PTPRT: variants seen among roughly 807,000 people sequenced by gnomAD.
PTPRT encodes protein tyrosine phosphatase receptor type T, also known as receptor-type tyrosine-protein phosphatase T.
In PTPRT, 56 loss-of-function variants were observed where a neutral mutation model predicts 176.8. The observed-to-expected ratio is 0.32, with a 90% CI of 0.26 to 0.40. The LOEUF is 0.40. PTPRT is among the 10% of genes least tolerant of loss of function. The pLI is 1.00. For synonymous variants in PTPRT, 783 were observed against 739.0 expected (o/e 1.06, Z -0.96); for missense variants, 1,540 against 1,908.2 (o/e 0.81, Z 3.60).
rs742066 is a variant in PTPRT at position 43,188,754 on chromosome 20, G to A, written c.88+892C>T. On this transcript the variant is annotated intron_variant, in intron 1 of 30. Coordinates refer to ENST00000373187, the MANE Select transcript of PTPRT (RefSeq NM_007050.6). Reference sequence around the variant, plus strand: ...CTTCCCTCCGCCGCTACTCTTGGGGGGGGGGGGGCTCGGGGGTGGAAGCTG... The same window carrying A: ...CTTCCCTCCGCCGCTACTCTTGGGGAGGGGGGGGCTCGGGGGTGGAAGCTG... Among the ~76,000 whole-genome samples, 17 of 150,288 alleles carry A rather than the reference G, an allele frequency of 1.1e-4. 2 individuals carry two copies. Among genetic ancestry groups the A allele is most frequent in the African/African-American group, 4.2e-4 (17 of 40,880 alleles).
intron 6 of PTPRT, among the ~76,000 whole-genome samples, chr20:42,732,424 A>G (rs1287607984): frequency 6.6e-6 from 1 of 152,238 alleles, no homozygotes; most frequent in East Asian, 1.9e-4. Flanking sequence ...GAGTAAATGA[A>G]TTAACAAGTG....
chr20:42,780,629 T>G (rs898559103), intron 3 of PTPRT, among the ~76,000 whole-genome samples: 1 of 152,186 alleles, frequency 6.6e-6, no homozygotes, highest in African/African-American at 2.4e-5. Context: ...AAGCCACAAC[T>G]TGACCATTCT....
intron 7 of PTPRT, among the ~76,000 whole-genome samples, chr20:42,485,474 C>A (rs2145349789): frequency 6.6e-6 from 1 of 152,316 alleles, no homozygotes; most frequent in Non-Finnish European, 1.5e-5. Context: ...CTCAGCGTAG[C>A]TAATTTGCCA....
chr20:43,135,243 G>C (rs2013790335), intron 1 of PTPRT, among the ~76,000 whole-genome samples: 1 of 152,194 alleles, frequency 6.6e-6, no homozygotes, highest in Non-Finnish European at 1.5e-5. Flanking sequence ...GAGTGTACCT[G>C]GGTGTCGTTA....
At chr20:43,174,121 T>A (rs1205875394) in intron 1 of PTPRT, among the ~76,000 whole-genome samples, 1 of 152,156 alleles carries the variant, frequency 6.6e-6, no homozygotes, top group Non-Finnish European at 1.5e-5. Flanking sequence ...AGGACCTAAT[T>A]TTCTCCATAA....
At chr20:42,083,767 G>A (rs1374915173) in intron 29 of PTPRT, among the ~76,000 whole-genome samples, 1 of 152,174 alleles carries the variant, frequency 6.6e-6, no homozygotes, top group East Asian at 1.9e-4. Flanking sequence ...TTTTAAAAGA[G>A]AGAGGCCTTC....
intron 11 of PTPRT, among the ~76,000 whole-genome samples, chr20:42,327,183 A>G (rs1468398916): frequency 2.0e-5 from 3 of 151,876 alleles, no homozygotes; most frequent in African/African-American, 7.3e-5. Flanking sequence ...GAAAAAGAAA[A>G]TTTTATCACT....
intron 22 of PTPRT, among the ~76,000 whole-genome samples, chr20:42,112,620 G>T (rs1407799470): frequency 6.6e-6 from 1 of 152,150 alleles, no homozygotes; most frequent in East Asian, 1.9e-4. Flanking sequence ...CTCCCATGGG[G>T]TTAGGTGGAA....
rs2146312619 is a variant in PTPRT, at chr20:42,115,320, G to A, written c.2983-5C>T. On this transcript the variant is annotated splice_region_variant and splice_polypyrimidine_tract_variant and intron_variant, in intron 21 of 30. Transcript: ENST00000373187. ...CCAGTATCGCACACATTTCACCTGT[G>A]GCCAAGTGAGAGACAGAGACAGAGA... 6.2e-7 allele frequency: 1 copy of A among 1,605,290 alleles called. No individual in the cohort carries two copies. Among genetic ancestry groups the A allele is most frequent in the Non-Finnish European group, 8.5e-7 (1 of 1,172,072 alleles).
At chr20:42,440,258 G>A (rs2059300729) in intron 9 of PTPRT, among the ~76,000 whole-genome samples, 1 of 152,090 alleles carries the variant, frequency 6.6e-6, no homozygotes, top group Non-Finnish European at 1.5e-5. Flanking sequence ...AAATTGAGCA[G>A]AAGGTATCTC....
chr20:42,099,321 T>C (rs964801826), intron 26 of PTPRT, among the ~76,000 whole-genome samples: 2 of 152,022 alleles, frequency 1.3e-5, no homozygotes, highest in Non-Finnish European at 2.9e-5. Context: ...TCCAAAGGAA[T>C]GATGTCACAC....
At chr20:42,275,087 A>C (rs1322681635) in intron 13 of PTPRT, among the ~76,000 whole-genome samples, 3 of 152,166 alleles carry the variant, frequency 2.0e-5, no homozygotes, top group Non-Finnish European at 4.4e-5. Context: ...GATGACCACT[A>C]TTTATTTAGT....
At chr20:42,202,464 T>G (rs1013285223) in intron 15 of PTPRT, among the ~76,000 whole-genome samples, 1 of 152,158 alleles carries the variant, frequency 6.6e-6, no homozygotes, top group Non-Finnish European at 1.5e-5. Flanking sequence ...TCCAGGCAGA[T>G]ATACAACAAG....
At chr20:43,124,476 T>C (rs2013372612) in intron 1 of PTPRT, among the ~76,000 whole-genome samples, 1 of 152,218 alleles carries the variant, frequency 6.6e-6, no homozygotes, top group Non-Finnish European at 1.5e-5. Context: ...GGGCTGGCTT[T>C]CCCTGGCTGT....
intron 2 of PTPRT, among the ~76,000 whole-genome samples, chr20:42,802,398 A>G (rs2077544257): frequency 6.6e-6 from 1 of 152,354 alleles, no homozygotes; most frequent in African/African-American, 2.4e-5. Context: ...GCCATTAAAC[A>G]TGAAGACTCT....
chr20:42,531,412 C>T (rs2072381882), intron 7 of PTPRT, among the ~76,000 whole-genome samples: 1 of 152,176 alleles, frequency 6.6e-6, no homozygotes, highest in Non-Finnish European at 1.5e-5. Flanking sequence ...AATTGATTAC[C>T]TTCTTATTAA....
At chr20:42,763,707 C>T (rs950991731) in intron 5 of PTPRT, among the ~76,000 whole-genome samples, 1 of 152,122 alleles carries the variant, frequency 6.6e-6, no homozygotes, top group Non-Finnish European at 1.5e-5. Flanking sequence ...ACATTTGTAC[C>T]TTTTTGGCAG....
In PTPRT at chr20:42,627,979, G is replaced by A. The variant is rs143185172; in HGVS notation, c.1153+49887C>T. On this transcript the variant is annotated intron_variant, in intron 7 of 30. Transcript: ENST00000373187. ...TTTATAGGCAAGGTTTCATCCATCC[G>A]TAATGCCTGCTGGGACAACTGGGAG... is the stretch of plus-strand genomic sequence containing the variant. Among the ~76,000 whole-genome samples the A allele has an allele frequency of 4.6e-5, 7 of 152,202 alleles. No individual in the cohort carries two copies. The East Asian group carries it at 7.7e-4, about 17-fold the overall frequency.
chr20:42,189,673 C>T (rs914548369), intron 16 of PTPRT, among the ~76,000 whole-genome samples: 3 of 152,068 alleles, frequency 2.0e-5, no homozygotes, highest in Non-Finnish European at 4.4e-5. Context: ...TGAAGGGTAC[C>T]GTGGGACAAA....
Sources: gnomAD v4.1 joint callset for allele counts (sites outside exome capture counted in the v4.1 genomes callset) on GRCh38, gnomAD v4.1.1 for gene constraint, MANE v1.5 for transcripts, NCBI Gene and HGNC (gene_info 2026-07-23, HGNC 2026-07-21) for gene names.